Variants in KCTD8 observed in about 807,000 individuals in gnomAD.
KCTD8 encodes BTB/POZ domain-containing protein KCTD8.
In KCTD8, 27 loss-of-function variants were observed where a neutral mutation model predicts 31.5. That is an observed-to-expected ratio of 0.86 (90% CI 0.63 to 1.18). The LOEUF (loss-of-function observed/expected upper bound fraction) is 1.18, where lower values mean the gene tolerates loss of function less well. Ranked by LOEUF, KCTD8 falls within the 50% of genes most tolerant of loss-of-function variation. The probability of loss-of-function intolerance (pLI) is 0.00; values close to 1 mark genes in which losing one functional copy is unlikely to be tolerated. For synonymous variants in KCTD8, 290 were observed against 280.0 expected (o/e 1.04, Z -0.36); for missense variants, 658 against 647.7 (o/e 1.02, Z -0.17).
chr4:44,364,000 A>G (rs1719566513), intron 1 of KCTD8, among the ~76,000 whole-genome samples: 1 of 152,162 alleles, frequency 6.6e-6, no homozygotes, highest in Admixed American at 6.6e-5. Flanking sequence ...CTACAAGATA[A>G]TAAAGGAAAA....
chr4:44,212,270 ATACTC>A (rs974391949), intron 1 of KCTD8, among the ~76,000 whole-genome samples: 30 of 152,202 alleles, frequency 2.0e-4, no homozygotes, highest in African/African-American at 6.0e-4. Flanking sequence ...CCCAGTTGTG[ATACTC>A]TACTCTAATT....
intron 1 of KCTD8, among the ~76,000 whole-genome samples, chr4:44,239,108 G>T (rs972100565): frequency 6.6e-6 from 1 of 152,154 alleles, no homozygotes; most frequent in Non-Finnish European, 1.5e-5. Context: ...TGCCTGCTCT[G>T]TCCCTTCACT....
At chr4:44,264,488 T>C (rs532686468) in intron 1 of KCTD8, among the ~76,000 whole-genome samples, 1 of 152,190 alleles carries the variant, frequency 6.6e-6, no homozygotes, top group Non-Finnish European at 1.5e-5. Context: ...TTCATTTCCA[T>C]CTGAGGTAAC....
chr4:44,302,177 C>T (rs1469793339), intron 1 of KCTD8, among the ~76,000 whole-genome samples: 1 of 152,102 alleles, frequency 6.6e-6, no homozygotes, highest in Non-Finnish European at 1.5e-5. Flanking sequence ...GTTCTTTTGG[C>T]TTAGGATTGA....
chr4:44,198,506 G>A (rs1348320357), intron 1 of KCTD8, among the ~76,000 whole-genome samples: 1 of 152,076 alleles, frequency 6.6e-6, no homozygotes, highest in Non-Finnish European at 1.5e-5. Flanking sequence ...CATATTTTCA[G>A]CATCCTCAAA....
intron 1 of KCTD8, among the ~76,000 whole-genome samples, chr4:44,211,721 T>A (rs1714489906): frequency 6.6e-6 from 1 of 152,146 alleles, no homozygotes; most frequent in Admixed American, 6.5e-5. Context: ...AAAGCCATTT[T>A]TTTTTAGATT....
chr4:44,411,140 T>C (rs1720943876), intron 1 of KCTD8, among the ~76,000 whole-genome samples: 1 of 152,142 alleles, frequency 6.6e-6, no homozygotes, highest in African/African-American at 2.4e-5. Context: ...CAATATCTTA[T>C]ATGCTTGAAA....
At chr4:44,302,358 T>C (rs532050621) in intron 1 of KCTD8, among the ~76,000 whole-genome samples, 39 of 152,312 alleles carry the variant, frequency 2.6e-4, no homozygotes, top group Non-Finnish European at 4.1e-4. Context: ...GAGCATGGAA[T>C]GTTCTTCCAC....
intron 1 of KCTD8, among the ~76,000 whole-genome samples, chr4:44,275,974 A>G (rs1716738015): frequency 6.6e-6 from 1 of 151,924 alleles, no homozygotes; most frequent in South Asian, 2.1e-4. Flanking sequence ...TTAAAATATA[A>G]CTGAACTTGA....
chr4:44,350,265 T>G (rs1719162960), intron 1 of KCTD8, among the ~76,000 whole-genome samples: 1 of 152,198 alleles, frequency 6.6e-6, no homozygotes, highest in Admixed American at 6.5e-5. Context: ...ACCTTCTCAG[T>G]TATTAAAATC....
At chr4:44,427,360 T>TATTACTATAAA (rs1721374775) in intron 1 of KCTD8, among the ~76,000 whole-genome samples, 1 of 151,262 alleles carries the variant, frequency 6.6e-6, no homozygotes, top group Non-Finnish European at 1.5e-5. Context: ...ATGCTTTGGG[T>TATTACTATAAA]ATTACTATAA....
In KCTD8 at chr4:44,219,209, T is replaced by G. The variant is rs547512247; in HGVS notation, c.962-43959A>C. Reference sequence around the variant, plus strand: ...ATTTTTAAATGCTGCAAGTATAATTTTATTCATTTAGAGCAAATAGAAGTG... The same window carrying G: ...ATTTTTAAATGCTGCAAGTATAATTGTATTCATTTAGAGCAAATAGAAGTG... On this transcript the variant is annotated intron_variant, in intron 1 of 1. Coordinates refer to ENST00000360029, the MANE Select transcript of KCTD8 (RefSeq NM_198353.3). 3.3e-5 allele frequency among the ~76,000 whole-genome samples: 5 copies of G among 152,376 alleles called. No homozygotes were observed. The South Asian group carries it at 1.0e-3, about 32-fold the overall frequency.
At chr4:44,262,789 G>A (rs557589769) in intron 1 of KCTD8, among the ~76,000 whole-genome samples, 1 of 152,214 alleles carries the variant, frequency 6.6e-6, no homozygotes, top group South Asian at 2.1e-4. Flanking sequence ...GCTGCACACA[G>A]GTAGAATAAT....
At chr4:44,243,840 C>T (rs753743668) in intron 1 of KCTD8, among the ~76,000 whole-genome samples, 2 of 152,220 alleles carry the variant, frequency 1.3e-5, no homozygotes, top group Non-Finnish European at 2.9e-5. Flanking sequence ...TTGTCCATTA[C>T]TTTGCTTCAT....
chr4:44,414,834 T>A (rs181763889), intron 1 of KCTD8, among the ~76,000 whole-genome samples: 1 of 152,128 alleles, frequency 6.6e-6, no homozygotes, highest in Non-Finnish European at 1.5e-5. Context: ...ATCCCCTTGG[T>A]AGCACTAACT....
intron 1 of KCTD8, among the ~76,000 whole-genome samples, chr4:44,187,047 T>C (rs1423089850): frequency 6.6e-6 from 1 of 152,160 alleles, no homozygotes; most frequent in Non-Finnish European, 1.5e-5. Flanking sequence ...GAGTCGAAGA[T>C]AAACCATTTA....
intron 1 of KCTD8, among the ~76,000 whole-genome samples, chr4:44,200,256 C>T (rs1180673149): frequency 4.6e-5 from 7 of 151,566 alleles, no homozygotes; most frequent in African/African-American, 1.7e-4. Context: ...ACCAATCATA[C>T]TGAAACTATT....
intron 1 of KCTD8, among the ~76,000 whole-genome samples, chr4:44,437,130 CA>C (rs1262000020): frequency 6.6e-6 from 1 of 151,008 alleles, no homozygotes; most frequent in African/African-American, 2.4e-5. Context: ...ACCCTTAAAG[CA>C]ACTCACAAGT....
chr4:44,410,701 G>C (rs1720932827), intron 1 of KCTD8, among the ~76,000 whole-genome samples: 1 of 152,076 alleles, frequency 6.6e-6, no homozygotes, highest in Non-Finnish European at 1.5e-5. Context: ...GCAAAAAAGA[G>C]CTTGAGGAGG....
Sources: allele counts gnomAD v4.1 joint callset (sites outside exome capture counted in the v4.1 genomes callset), GRCh38; gene constraint gnomAD v4.1.1; transcripts MANE v1.5; gene names NCBI Gene and HGNC (gene_info 2026-07-23, HGNC 2026-07-21).